H3C6: variants seen among roughly 807,000 people sequenced by gnomAD.
H3C6 encodes histone H3.1.
In H3C6, 17 loss-of-function variants were observed where a neutral mutation model predicts 8.0. The ratio of observed to expected loss-of-function variants is 2.13; its 90% CI spans 1.46 to 3.19. The LOEUF is 3.19. Among genes scored for constraint, H3C6 ranks in the 30% most tolerant of loss-of-function variants. H3C6 has a pLI of 0.00. For missense variants in H3C6, 298 were observed against 193.8 expected, an observed-to-expected ratio of 1.54 and a Z score of -3.19; for synonymous variants, 169 against 78.0, an observed-to-expected ratio of 2.17 and a Z score of -6.15.
chr6:26,225,035 A>G (rs767927407), upstream of H3C6: 4 of 1,070,398 alleles, frequency 3.7e-6, no homozygotes, highest in Non-Finnish European at 4.0e-6. Flanking sequence ...CTCTACGGCC[A>G]CTTCCGGAAT....
At chr6:26,226,188 A>G (rs920021876), downstream of H3C6, 3 of 152,284 alleles carry the variant, frequency 2.0e-5, no homozygotes, top group Non-Finnish European at 4.4e-5. Context: ...GACCCGTGGC[A>G]CTAACACACA....
In H3C6 at chr6:26,225,149, T is replaced by A. The variant is rs980650635; in HGVS notation, c.-6T>A. The stretch of plus-strand genomic sequence containing the variant: ...CTTCCTAACTCATTTACTTTGCAGA[T>A]GAACTATGGCGCGTACTAAGCAGAC... On this transcript the variant is annotated 5_prime_UTR_variant, in exon 1 of 1. The change abolishes an upstream ATG in the 5' untranslated region. Coordinates refer to ENST00000614911, the MANE Select transcript of H3C6 (RefSeq NM_003532.3). The A allele has an allele frequency of 2.0e-6, 3 of 1,535,988 alleles. No homozygotes were observed. The highest frequency in any genetic ancestry group is 2.6e-6 in the Non-Finnish European group (3 of 1,144,132).
At chr6:26,225,839 T>C (rs1759535021), downstream of H3C6, 6 of 347,376 alleles carry the variant, frequency 1.7e-5, no homozygotes, top group Non-Finnish European at 2.6e-5. Context: ...CTCTGCTGCT[T>C]TCTTGTACAT....
downstream of H3C6, chr6:26,225,683 T>G: frequency 1.6e-6 from 2 of 1,228,292 alleles, no homozygotes; most frequent in Admixed American, 5.1e-5. Flanking sequence ...CTGATCCAAA[T>G]AGACATTTGA....
In H3C6 at chr6:26,225,391, C is replaced by G; in HGVS notation, c.237C>G (p.Phe79Leu). The G allele has an allele frequency of 1.2e-6, 2 of 1,614,246 alleles. No homozygotes were observed. The highest frequency in any genetic ancestry group is 1.7e-6 in the Non-Finnish European group (2 of 1,180,036). Residue 79 changes from phenylalanine (F) to leucine (L), a missense_variant, in exon 1 of 1, where the codon TTC (phenylalanine) becomes TTG (leucine). Physicochemically the swap from Phe to Leu is conservative, Grantham distance 22. Transcript: ENST00000614911. ...QRLVREIAQD[F>L]KTDLRFQSSA... ...TGGTGCGAGAAATAGCTCAGGACTT[C>G]AAGACCGACCTGCGCTTCCAGAGTT...
At chr6:26,225,648 A>G, downstream of H3C6, 1 of 1,453,558 alleles carries the variant, frequency 6.9e-7, no homozygotes. Context: ...TAATCCTTTG[A>G]GACGCATTAG....
Position 26,225,374 on chromosome 6 carries a change from G to C in H3C6, c.220G>C (p.Glu74Gln). Residue 74 changes from glutamate (E) to glutamine (Q), a missense_variant, in exon 1 of 1, where the codon GAA becomes CAA. Coordinates refer to ENST00000614911, the MANE Select transcript of H3C6 (RefSeq NM_003532.3). Reference protein sequence around the residue: ...RKLPFQRLVREIAQDFKTDLR... With the variant: ...RKLPFQRLVRQIAQDFKTDLR... ...GCTGCCGTTTCAGCGCCTGGTGCGA[G>C]AAATAGCTCAGGACTTCAAGACCGA... The C allele has an allele frequency of 6.2e-7, 1 of 1,614,266 alleles. No individual in the cohort carries two copies. The highest frequency in any genetic ancestry group is 1.7e-5 in the Admixed American group (1 of 60,034).
chr6:26,225,675 G>A, downstream of H3C6: 1 of 1,249,032 alleles, frequency 8.0e-7, no homozygotes, highest in Admixed American at 2.5e-5. Flanking sequence ...AAACTGCACT[G>A]ATCCAAATAG....
chr6:26,225,321 A>T lies in H3C6; in HGVS notation c.167A>T (p.Gln56Leu). The T allele has an allele frequency of 6.2e-7, 1 of 1,614,214 alleles. No individual in the cohort carries two copies. Among genetic ancestry groups the T allele is most frequent in the Admixed American group, 1.7e-5 (1 of 60,028 alleles). Reference protein sequence around the residue: ...TVALREIRRYQKSTELLIRKL... With the variant: ...TVALREIRRYLKSTELLIRKL... ...GCTCTGCGCGAGATCCGTCGCTACC[A>T]GAAGTCTACCGAGCTTCTAATCCGG... Residue 56 changes from glutamine (Q) to leucine (L), a missense_variant, in exon 1 of 1, where the codon CAG (glutamine) becomes CTG (leucine). Coordinates refer to ENST00000614911, the MANE Select transcript of H3C6 (RefSeq NM_003532.3).
chr6:26,225,122 A>G (rs368598375), upstream of H3C6: 128 of 1,523,114 alleles, frequency 8.4e-5, 1 homozygote, highest in East Asian at 1.1e-3. Context: ...GGGCAAACCA[A>G]TCTTCCTAAC....
downstream of H3C6, chr6:26,226,139 A>C (rs1759553258): frequency 6.5e-6 from 1 of 153,196 alleles, no homozygotes; most frequent in African/African-American, 2.4e-5. Flanking sequence ...TGTGCGCCTG[A>C]TACTGGTCTA....
Position 26,225,564 on chromosome 6 carries a change from G to C in H3C6, c.410G>C (p.Ter137SerextTer?). 1 of 1,611,718 alleles carries C rather than the reference G, an allele frequency of 6.2e-7. No individual in the cohort carries two copies. Among genetic ancestry groups the C allele is most frequent in the Non-Finnish European group, 8.5e-7 (1 of 1,178,770 alleles). Residue 137 changes from the stop codon to serine (S), a stop_lost, in exon 1 of 1, where the codon TGA (stop) becomes TCA (serine). Coordinates refer to ENST00000614911, the MANE Select transcript of H3C6 (RefSeq NM_003532.3). ...CGCCGCATTCGTGGGGAGAGGGCGT[G>C]AATTGTTTTGAGTACAAACCTTAAA... ...LARRIRGERA[*>S] is the part of the protein sequence containing the mutation.
Position 26,225,439 on chromosome 6 carries a change from GGCC to G in H3C6, c.286_288del (p.Ala96del). The stretch of plus-strand genomic sequence containing the variant: ...GTTCCGCGGTGATGGCGCTGCAGGA[GGCC>G]TGCGAGGCCTACTTGGTGGGGCTTT... On this transcript the variant is annotated inframe_deletion, in exon 1 of 1. Coordinates refer to ENST00000614911, the MANE Select transcript of H3C6 (RefSeq NM_003532.3). 6.8e-6 allele frequency: 11 copies of G among 1,614,272 alleles called. No homozygotes were observed. The highest frequency in any genetic ancestry group is 9.3e-6 in the Non-Finnish European group (11 of 1,180,056).
upstream of H3C6, chr6:26,224,982 A>C: frequency 1.5e-6 from 1 of 669,158 alleles, no homozygotes; most frequent in Non-Finnish European, 2.4e-6. Context: ...ATCCAAATTT[A>C]CCAATCAGAA....
chr6:26,225,234 G>T lies in H3C6; in HGVS notation c.80G>T (p.Arg27Leu). The part of the protein sequence containing the change: ...PRKQLATKAA[R>L]KSAPATGGVK... ...AAACAGCTGGCCACTAAGGCAGCTC[G>T]CAAGAGCGCTCCGGCCACGGGCGGC... The change falls in exon 1 of 1, where the codon CGC (arginine) becomes CTC (leucine). Residue 27 changes from arginine to leucine, a missense_variant. Arg to Leu is a moderately radical substitution (Grantham distance 102). Coordinates refer to ENST00000614911, the MANE Select transcript of H3C6 (RefSeq NM_003532.3). 6.8e-6 allele frequency: 11 copies of T among 1,612,156 alleles called. No homozygotes were observed. The highest frequency in any genetic ancestry group is 9.3e-6 in the Non-Finnish European group (11 of 1,178,926).
downstream of H3C6, chr6:26,225,686 A>T (rs1759529909): frequency 9.1e-6 from 11 of 1,204,920 alleles, no homozygotes; most frequent in Non-Finnish European, 1.3e-5. Context: ...ATCCAAATAG[A>T]CATTTGAAAT....
At position 26,225,226 on chromosome 6, in the gene H3C6, G is replaced by A. The variant is rs763463941; in HGVS notation, c.72G>A (p.Lys24=). Residue 24 remains lysine, a synonymous_variant, in exon 1 of 1, where the codon AAG becomes AAA. Transcript: ENST00000614911. ...CACCGCGCAAACAGCTGGCCACTAA[G>A]GCAGCTCGCAAGAGCGCTCCGGCCA... The part of the protein sequence containing the change: ...GKAPRKQLAT[K]AARKSAPATG... 2 of 1,611,230 alleles carry A rather than the reference G, an allele frequency of 1.2e-6. No homozygotes were observed. The highest frequency in any genetic ancestry group is 1.1e-5 in the South Asian group (1 of 90,790).
chr6:26,225,249 C>T lies in H3C6; in HGVS notation c.95C>T (p.Ala32Val), dbSNP rs755102733. 3.1e-6 allele frequency: 5 copies of T among 1,613,586 alleles called. No individual in the cohort carries two copies. Among genetic ancestry groups the T allele is most frequent in the Admixed American group, 1.7e-5 (1 of 59,970 alleles). ...ATKAARKSAP[A>V]TGGVKKPHRY... ...AAGGCAGCTCGCAAGAGCGCTCCGG[C>T]CACGGGCGGCGTGAAGAAGCCCCAT... The change falls in exon 1 of 1, where the codon GCC becomes GTC. Residue 32 changes from alanine (A) to valine (V), a missense_variant. Coordinates refer to ENST00000614911, the MANE Select transcript of H3C6 (RefSeq NM_003532.3).
At chr6:26,225,765 T>C (rs1759532346), downstream of H3C6, 1 of 643,274 alleles carries the variant, frequency 1.6e-6, no homozygotes, top group Non-Finnish European at 2.5e-6. Context: ...GGTTTTCGCC[T>C]AGGGCTGGGC....
Sources: allele counts gnomAD v4.1 joint callset, GRCh38; gene constraint gnomAD v4.1.1; transcripts MANE v1.5; gene names NCBI Gene and HGNC (gene_info 2026-07-23, HGNC 2026-07-21).